BTRC: variants seen among roughly 807,000 people sequenced by gnomAD.
BTRC encodes beta-transducin repeat containing E3 ubiquitin protein ligase, also known as F-box/WD repeat-containing protein 1A.
Under a neutral mutation model 85.5 loss-of-function variants are expected in BTRC, and 42 were observed. That is an observed-to-expected ratio of 0.49 (90% CI 0.38 to 0.64). The LOEUF is 0.64. Ranked by LOEUF, BTRC falls within the 30% of genes least tolerant of loss-of-function variation. BTRC has a pLI of 0.00. For missense variants in BTRC, 594 were observed against 743.5 expected, an observed-to-expected ratio of 0.80 and a Z score of 2.34; for synonymous variants, 255 against 263.3, an observed-to-expected ratio of 0.97 and a Z score of 0.30.
chr10:101,422,561 G>A (rs1264252525), intron 1 of BTRC, among the ~76,000 whole-genome samples: 1 of 152,134 alleles, frequency 6.6e-6, no homozygotes, highest in African/African-American at 2.4e-5. Flanking sequence ...TGTCCTGAAT[G>A]GTATTGCCTA....
intron 3 of BTRC, among the ~76,000 whole-genome samples, chr10:101,472,275 C>T (rs199507553): frequency 7.0e-5 from 8 of 114,330 alleles, no homozygotes; most frequent in East Asian, 2.4e-4. Flanking sequence ...TTTTCTTTTC[C>T]TCTCTTCTCT....
At chr10:101,552,593 G>C (rs2062669298) in intron 14 of BTRC, among the ~76,000 whole-genome samples, 1 of 152,030 alleles carries the variant, frequency 6.6e-6, no homozygotes, top group Non-Finnish European at 1.5e-5. Context: ...TCAAATTTCT[G>C]TCTCCAGTCC....
At chr10:101,469,423 A>G (rs754445185) in intron 3 of BTRC, among the ~76,000 whole-genome samples, 21 of 152,328 alleles carry the variant, frequency 1.4e-4, no homozygotes, top group Middle Eastern at 6.8e-3. Context: ...CAGGCCTGGC[A>G]CAGAGTTTCT....
chr10:101,523,893 T>C (rs1327304658), intron 5 of BTRC, among the ~76,000 whole-genome samples: 2 of 152,150 alleles, frequency 1.3e-5, no homozygotes, highest in Non-Finnish European at 1.5e-5. Context: ...ATAAACCATA[T>C]GATGATGAAT....
intron 4 of BTRC, among the ~76,000 whole-genome samples, chr10:101,515,438 T>C (rs1296533773): frequency 6.6e-6 from 1 of 152,156 alleles, no homozygotes; most frequent in Non-Finnish European, 1.5e-5. Flanking sequence ...ATCTCTCCAT[T>C]TATTTAAGTC....
chr10:101,517,530 C>G (rs1368075057), intron 4 of BTRC, among the ~76,000 whole-genome samples: 1 of 152,192 alleles, frequency 6.6e-6, no homozygotes, highest in African/African-American at 2.4e-5. Flanking sequence ...TTGAGTATGT[C>G]TGAGCAGGGA....
chr10:101,448,107 T>C (rs1311192390), intron 2 of BTRC, among the ~76,000 whole-genome samples: 2 of 152,192 alleles, frequency 1.3e-5, no homozygotes, highest in African/African-American at 4.8e-5. Context: ...CACAAAATTC[T>C]GCATAGTTAG....
chr10:101,526,128 G>A lies in BTRC; in HGVS notation c.672G>A (p.Leu224=). Residue 224 remains leucine, a synonymous_variant, in exon 6 of 15, where the codon CTG becomes CTA. Coordinates refer to ENST00000370187, the MANE Select transcript of BTRC (RefSeq NM_033637.4). ...ACCGAGTGACCTCTGATGGCATGCT[G>A]TGGAAGAAGCTTATCGAGAGAATGG... ...EWYRVTSDGM[L]WKKLIERMVR... is the part of the protein sequence containing the mutation. The A allele has an allele frequency of 6.2e-7, 1 of 1,614,188 alleles. No individual in the cohort carries two copies. Among genetic ancestry groups the A allele is most frequent in the Non-Finnish European group, 8.5e-7 (1 of 1,180,042 alleles).
intron 5 of BTRC, among the ~76,000 whole-genome samples, chr10:101,522,409 CTTTTTTT>C (rs1176651688): frequency 1.6e-3 from 47 of 29,538 alleles, no homozygotes; most frequent in African/African-American, 5.5e-3. Context: ...ATAAAGACTC[CTTTTTTT>C]TTTTTTTTTT....
At chr10:101,356,594 CTTTTAA>C (rs1942041579) in intron 1 of BTRC, among the ~76,000 whole-genome samples, 3 of 152,094 alleles carry the variant, frequency 2.0e-5, no homozygotes, top group Admixed American at 1.3e-4. Context: ...CCAATTTTTT[CTTTTAA>C]TTTTAGTTAC....
chr10:101,470,587 C>G (rs998556922), intron 3 of BTRC, among the ~76,000 whole-genome samples: 5 of 152,264 alleles, frequency 3.3e-5, no homozygotes, highest in Admixed American at 1.3e-4. Context: ...GCCTCAGCCT[C>G]CCAAAGTGCT....
chr10:101,428,043 C>T (rs1181278442), intron 1 of BTRC, among the ~76,000 whole-genome samples: 1 of 152,134 alleles, frequency 6.6e-6, no homozygotes, highest in Non-Finnish European at 1.5e-5. Context: ...GTTGCCTTCT[C>T]CTTCCAATGT....
chr10:101,415,514 A>G (rs1943916184), intron 1 of BTRC, among the ~76,000 whole-genome samples: 1 of 5,210 alleles, frequency 1.9e-4, no homozygotes, highest in Admixed American at 4.6e-3. Context: ...ATGTTATGTT[A>G]TGTTATGTTA....
intron 1 of BTRC, among the ~76,000 whole-genome samples, chr10:101,362,367 G>A (rs549245175): frequency 5.3e-5 from 8 of 151,978 alleles, no homozygotes; most frequent in Middle Eastern, 6.8e-3. Context: ...ACCTGATGCT[G>A]TCAATTACAG....
chr10:101,407,364 A>G (rs886237683), intron 1 of BTRC, among the ~76,000 whole-genome samples: 1 of 152,168 alleles, frequency 6.6e-6, no homozygotes. Flanking sequence ...AAGTGAAAAG[A>G]AAGTTGAAAT....
At chr10:101,517,971 G>A (rs1409968356) in intron 4 of BTRC, among the ~76,000 whole-genome samples, 2 of 145,454 alleles carry the variant, frequency 1.4e-5, no homozygotes, top group Non-Finnish European at 3.0e-5. Flanking sequence ...GGAGTGCAGT[G>A]GCGGGATCTC....
chr10:101,519,734 G>A (rs533765272), intron 4 of BTRC, among the ~76,000 whole-genome samples: 6 of 152,254 alleles, frequency 3.9e-5, no homozygotes, highest in Non-Finnish European at 8.8e-5. Flanking sequence ...AGTGGCTCAC[G>A]CCTGTGATCC....
chr10:101,359,997 G>C (rs573532324), intron 1 of BTRC, among the ~76,000 whole-genome samples: 73 of 152,284 alleles, frequency 4.8e-4, no homozygotes, highest in African/African-American at 1.7e-3. Flanking sequence ...ACTTTGAGTA[G>C]TTTTAGAAAT....
chr10:101,533,783 T>C (rs569743956), intron 9 of BTRC, among the ~76,000 whole-genome samples: 6 of 152,318 alleles, frequency 3.9e-5, no homozygotes, highest in African/African-American at 1.4e-4. Flanking sequence ...CATTCCAAGT[T>C]ATCCTCTGTG....
Sources: gnomAD v4.1 joint callset for allele counts (sites outside exome capture counted in the v4.1 genomes callset) on GRCh38, gnomAD v4.1.1 for gene constraint, MANE v1.5 for transcripts, NCBI Gene and HGNC (gene_info 2026-07-23, HGNC 2026-07-21) for gene names.